KIAA0930: variants seen among roughly 807,000 people sequenced by gnomAD.
The protein encoded by KIAA0930 is KIAA0930.
A neutral mutation model predicts 43.9 loss-of-function variants in KIAA0930; 24 were observed. The ratio of observed to expected loss-of-function variants is 0.55; its 90% CI spans 0.40 to 0.77. The LOEUF is 0.77. KIAA0930 is among the 30% of genes least tolerant of loss of function. The probability of loss-of-function intolerance (pLI) is 0.00; values close to 1 mark genes in which losing one functional copy is unlikely to be tolerated. For missense variants in KIAA0930, 461 were observed against 574.2 expected (o/e 0.80, Z 2.02); for synonymous variants, 259 against 216.4 (o/e 1.20, Z -1.73).
rs183346486 is a variant in KIAA0930 at position 45,222,702 on chromosome 22, C to A, written c.65-10595G>T. 2.0e-5 allele frequency among the ~76,000 whole-genome samples: 3 copies of A among 151,000 alleles called. No homozygotes were observed. The East Asian group carries it at 5.8e-4, about 29-fold the overall frequency. On this transcript the variant is annotated intron_variant, in intron 1 of 9. Coordinates refer to ENST00000336156, the MANE Select transcript of KIAA0930 (RefSeq NM_001009880.2). Reference sequence around the variant, plus strand: ...TAAACAAAGCAAAAAACAAATACCACACTGGAAACACAGACGGAACCCTTA... The same window carrying A: ...TAAACAAAGCAAAAAACAAATACCAAACTGGAAACACAGACGGAACCCTTA...
At chr22:45,215,653 T>C (rs539632877) in intron 1 of KIAA0930, among the ~76,000 whole-genome samples, 1 of 152,180 alleles carries the variant, frequency 6.6e-6, no homozygotes, top group Non-Finnish European at 1.5e-5. Flanking sequence ...CACAGATGCA[T>C]GGGAATACGT....
chr22:45,208,370 G>GTGAGAACAGGCAGAACCCGCCAACTC lies in KIAA0930; in HGVS notation c.217-2459_217-2458insGAGTTGGCGGGTTCTGCCTGTTCTCA, dbSNP rs1569075624. 3.1e-4 allele frequency among the ~76,000 whole-genome samples: 30 copies of GTGAGAACAGGCAGAACCCGCCAACTC among 97,408 alleles called. 1 individual carries two copies. The highest frequency in any genetic ancestry group is 3.3e-4 in the Non-Finnish European group (13 of 39,320). The allele number at this position is 97,408 out of a possible 152,430, so 63.9% of individuals were successfully genotyped here. A position where few individuals can be genotyped will look rare whatever the true frequency, so the allele number is the denominator to read the frequency against. ...ACAGGCAGAACCACCGACTCCACATGCACGAGCTGTAAGAACAGGTAGAAC... is the reference window on the plus strand; with the variant it reads ...ACAGGCAGAACCACCGACTCCACATGTGAGAACAGGCAGAACCCGCCAACTCCACGAGCTGTAAGAACAGGTAGAAC... On this transcript the variant is annotated intron_variant, in intron 2 of 9. Transcript: ENST00000336156.
At position 45,203,882 on chromosome 22, in the gene KIAA0930, A is replaced by G; in HGVS notation, c.620T>C (p.Ile207Thr). Residue 207 changes from isoleucine (I) to threonine (T), a missense_variant, in exon 6 of 10, where the codon ATC becomes ACC. Coordinates refer to ENST00000336156, the MANE Select transcript of KIAA0930 (RefSeq NM_001009880.2). ...CACCTTCTTGAGCGCCTCGTAGCGG[A>G]TGGAGCCCTGAAAGATGACCCCCTG... ...TFQGVIFQGS[I>T]RYEALKKVYD... 6.2e-7 allele frequency: 1 copy of G among 1,614,074 alleles called. No homozygotes were observed. Among genetic ancestry groups the G allele is most frequent in the Non-Finnish European group, 8.5e-7 (1 of 1,179,982 alleles).
Position 45,223,953 on chromosome 22 carries a change from A to C in KIAA0930, c.65-11846T>G, listed in dbSNP as rs1055884949. Among the ~76,000 whole-genome samples the C allele has an allele frequency of 9.9e-5, 15 of 152,260 alleles. 1 individual carries two copies. Among genetic ancestry groups the C allele is most frequent in the East Asian group, 9.6e-4 (5 of 5,208 alleles). ...CAGGGTAACCACTGAGCCAGCACCC[A>C]GGGTGGGAAAGTATTATTACATCAT... is the stretch of plus-strand genomic sequence containing the variant. On this transcript the variant is annotated intron_variant, in intron 1 of 9. Transcript: ENST00000336156.
At chr22:45,233,088 T>G (rs9626659) in intron 1 of KIAA0930, among the ~76,000 whole-genome samples, 2,239 of 152,170 alleles carry the variant, frequency 0.015, 58 homozygotes, top group African/African-American at 0.051. Context: ...CTCCTGCTTC[T>G]GAGCCTCAGT....
intron 1 of KIAA0930, among the ~76,000 whole-genome samples, chr22:45,233,063 C>T (rs1227514644): frequency 1.3e-5 from 2 of 152,086 alleles, no homozygotes; most frequent in Non-Finnish European, 1.5e-5. Flanking sequence ...TGGAGGAAGG[C>T]ATCACAGCCA....
chr22:45,228,736 A>AC lies in KIAA0930; in HGVS notation c.64+11903dup, dbSNP rs1555900864. 1.1e-4 allele frequency among the ~76,000 whole-genome samples: 3 copies of AC among 27,248 alleles called. 1 individual carries two copies. Among genetic ancestry groups the AC allele is most frequent in the Non-Finnish European group, 2.0e-4 (3 of 14,848 alleles). 17.9% of individuals were successfully genotyped at this position (27,248 alleles called of 152,430 possible). A position where few individuals can be genotyped will look rare whatever the true frequency, so the allele number is the denominator to read the frequency against. ...ACACTCACCCGAAAGATCCCTCTCC[A>AC]CCCCCCTACCACCACTCACCCGAAA... On this transcript the variant is annotated intron_variant, in intron 1 of 9. Coordinates refer to ENST00000336156, the MANE Select transcript of KIAA0930 (RefSeq NM_001009880.2).
At position 45,196,176 on chromosome 22, in the gene KIAA0930, C is replaced by T. The variant is rs554949622; in HGVS notation, c.*1000G>A. 6.6e-6 allele frequency: 1 copy of T among 152,422 alleles called. No individual in the cohort carries two copies. The highest frequency in any genetic ancestry group is 2.1e-4 in the South Asian group (1 of 4,828). The allele number at this position is 152,422 out of a possible 1,614,324, so 9.4% of individuals were successfully genotyped here. A position where few individuals can be genotyped will look rare whatever the true frequency, so the allele number is the denominator to read the frequency against. On this transcript the variant is annotated 3_prime_UTR_variant, in exon 10 of 10. Coordinates refer to ENST00000336156, the MANE Select transcript of KIAA0930 (RefSeq NM_001009880.2). This position sits in a 1 kb window ranked among gnomAD's most constrained non-coding sequence, Gnocchi z 4.1. ...GCCTGGGGCTGGGCAGCTGCTCACA[C>T]GAACCAATGGGGGTGCCCATGTGAG...
chr22:45,220,415 C>T (rs1037013310), intron 1 of KIAA0930, among the ~76,000 whole-genome samples: 2 of 151,806 alleles, frequency 1.3e-5, no homozygotes, highest in Admixed American at 6.6e-5. Context: ...GATCGGGCCA[C>T]TCCAGCCTGG....
In KIAA0930 at chr22:45,207,485, ATT is replaced by A. The variant is rs34108837; in HGVS notation, c.217-1575_217-1574del. On this transcript the variant is annotated intron_variant, in intron 2 of 9. Coordinates refer to ENST00000336156, the MANE Select transcript of KIAA0930 (RefSeq NM_001009880.2). ...TTATAGGCGTCTGCCACCACACGTA[ATT>A]TTTTTTTTTTTTTTTTAATAGAGAC... 6.9e-3 allele frequency: 953 copies of A among 137,764 alleles called. 5 individuals are homozygous for A. The highest frequency in any genetic ancestry group is 0.015 in the African/African-American group (543 of 35,824). 8.5% of individuals were successfully genotyped at this position (137,764 alleles called of 1,614,324 possible).
intron 7 of KIAA0930, 160 bp downstream of exon 7, chr22:45,202,830 G>A (rs2083600898): frequency 6.8e-6 from 4 of 592,086 alleles, no homozygotes; most frequent in African/African-American, 1.9e-5. Context: ...AAAGAGAAGG[G>A]CTGGGTGGTC....
chr22:45,230,837 C>A (rs1236706750), intron 1 of KIAA0930, among the ~76,000 whole-genome samples: 2 of 152,048 alleles, frequency 1.3e-5, no homozygotes, highest in Non-Finnish European at 2.9e-5. Context: ...ACCTTGGCCT[C>A]CCAAAGTGCT....
In KIAA0930 at chr22:45,192,318, A is replaced by G. The variant is rs1185525654; in HGVS notation, c.*4858T>C. 6.6e-6 allele frequency: 1 copy of G among 152,250 alleles called. No homozygotes were observed. The highest frequency in any genetic ancestry group is 1.5e-5 in the Non-Finnish European group (1 of 68,042). 9.4% of individuals were successfully genotyped at this position (152,250 alleles called of 1,614,324 possible). A position where few individuals can be genotyped will look rare whatever the true frequency, so the allele number is the denominator to read the frequency against. ...AAACATGAAATCATAAAGCAAAGCTAACAGCCAACCAACAAATACCGCCTA... is the reference window on the plus strand; with the variant it reads ...AAACATGAAATCATAAAGCAAAGCTGACAGCCAACCAACAAATACCGCCTA... On this transcript the variant is annotated 3_prime_UTR_variant, in exon 10 of 10. Transcript: ENST00000336156.
At chr22:45,202,382 T>G (rs1326339435) in intron 7 of KIAA0930, among the ~76,000 whole-genome samples, 1 of 152,242 alleles carries the variant, frequency 6.6e-6, no homozygotes, top group African/African-American at 2.4e-5. Flanking sequence ...CCAAGCCCAG[T>G]GCTATCCCAA....
chr22:45,217,069 CTTTA>C (rs1354478302), intron 1 of KIAA0930, among the ~76,000 whole-genome samples: 4 of 152,266 alleles, frequency 2.6e-5, no homozygotes, highest in East Asian at 3.9e-4. Context: ...TTTCAAGACA[CTTTA>C]TTTAAGGCCA....
intron 6 of KIAA0930, 138 bp downstream of exon 6, chr22:45,203,707 C>A (rs2083610256): frequency 1.1e-6 from 1 of 936,670 alleles, no homozygotes. Flanking sequence ...AGAAGGAGCC[C>A]GGAGGGGCTG....
At chr22:45,237,856 C>A (rs9614620) in intron 1 of KIAA0930, among the ~76,000 whole-genome samples, 1 of 151,948 alleles carries the variant, frequency 6.6e-6, no homozygotes, top group Non-Finnish European at 1.5e-5. Context: ...GCGCTCCACT[C>A]TGGGCATCAA....
At chr22:45,230,731 G>GC (rs1233759846) in intron 1 of KIAA0930, among the ~76,000 whole-genome samples, 2 of 151,928 alleles carry the variant, frequency 1.3e-5, no homozygotes, top group Admixed American at 1.3e-4. Context: ...ACAGGCACCT[G>GC]CCACCACACC....
intron 1 of KIAA0930, among the ~76,000 whole-genome samples, chr22:45,228,769 C>CTCCACT (rs1569083690): frequency 5.1e-5 from 1 of 19,536 alleles, no homozygotes. Context: ...AAAGATCCCT[C>CTCCACT]CCCATCCCCC....
Sources: allele counts gnomAD v4.1 joint callset (sites outside exome capture counted in the v4.1 genomes callset), GRCh38; gene constraint gnomAD v4.1.1; non-coding constraint Gnocchi (gnomAD v3.1); transcripts MANE v1.5; gene names NCBI Gene and HGNC (gene_info 2026-07-23, HGNC 2026-07-21).